The following CSRNP3 variants were observed in gnomAD, a reference collection of about 807,000 sequenced individuals.
CSRNP3 encodes the protein cysteine/serine-rich nuclear protein 3.
In CSRNP3, 12 loss-of-function variants were observed where a neutral mutation model predicts 48.0. The observed-to-expected ratio is 0.25, with a 90% CI of 0.16 to 0.41. The LOEUF is 0.41. Among genes scored for constraint, CSRNP3 ranks in the 10% least tolerant of loss-of-function variants. The probability of loss-of-function intolerance (pLI) is 1.00; values close to 1 mark genes in which losing one functional copy is unlikely to be tolerated. For missense variants in CSRNP3, 580 were observed against 724.4 expected, an observed-to-expected ratio of 0.80 and a Z score of 2.29; for synonymous variants, 263 against 269.7, an observed-to-expected ratio of 0.98 and a Z score of 0.24.
chr2:165,622,000 G>C (rs960386251), intron 4 of CSRNP3, among the ~76,000 whole-genome samples: 26 of 152,082 alleles, frequency 1.7e-4, no homozygotes, highest in African/African-American at 6.0e-4. Flanking sequence ...ATGGCAGGCA[G>C]AGCTTTCTTC....
intron 4 of CSRNP3, among the ~76,000 whole-genome samples, chr2:165,640,551 C>T (rs1275863888): frequency 6.6e-6 from 1 of 152,154 alleles, no homozygotes; most frequent in Admixed American, 6.6e-5. Flanking sequence ...ACTGCAGAGG[C>T]TTACAGGGGC....
At position 165,682,763 on chromosome 2, in the gene CSRNP3, G is replaced by T. The variant is rs754639724; in HGVS notation, c.*3010G>T. The T allele has an allele frequency of 1.3e-5, 2 of 152,032 alleles. No individual in the cohort carries two copies. Among genetic ancestry groups the T allele is most frequent in the Non-Finnish European group, 2.9e-5 (2 of 67,994 alleles). 9.4% of individuals were successfully genotyped at this position (152,032 alleles called of 1,614,324 possible). A position where few individuals can be genotyped will look rare whatever the true frequency, so the allele number is the denominator to read the frequency against. On this transcript the variant is annotated 3_prime_UTR_variant, in exon 7 of 7. Coordinates refer to ENST00000651982, the MANE Select transcript of CSRNP3 (RefSeq NM_001172173.2). ...CAACAAAGAGCTGCCCACATGCCAG[G>T]AAAGTGCTACAGTCCTTCTAAGCTT...
intron 5 of CSRNP3, among the ~76,000 whole-genome samples, chr2:165,669,346 T>G (rs1305523134): frequency 4.6e-5 from 7 of 152,240 alleles, no homozygotes. Context: ...TTAGTATTGT[T>G]TCTCTCTTCT....
At chr2:165,568,963 A>G (rs1685333866) in intron 3 of CSRNP3, among the ~76,000 whole-genome samples, 1 of 152,108 alleles carries the variant, frequency 6.6e-6, no homozygotes. Context: ...TATTCACACA[A>G]TAAAATATGC....
chr2:165,665,893 G>A lies in CSRNP3; in HGVS notation c.408+7873G>A, dbSNP rs113775137. On this transcript the variant is annotated intron_variant, in intron 5 of 6. Transcript: ENST00000651982. ...GAAAGAAAGAGAGAGAGGAAGGAAG[G>A]AGGGAGGGAAGGAAGCAAAGAGAGA... Among the ~76,000 whole-genome samples, 530 of 147,232 alleles carry A rather than the reference G, an allele frequency of 3.6e-3. 2 individuals are homozygous for A. Among genetic ancestry groups the A allele is most frequent in the African/African-American group, 0.012 (472 of 39,650 alleles).
chr2:165,657,720 G>A (rs756887499), intron 4 of CSRNP3, 41 bp from the exon 5 acceptor site: 6 of 1,600,660 alleles, frequency 3.7e-6, no homozygotes, highest in Non-Finnish European at 5.1e-6. Context: ...TCTGAAAACT[G>A]CTGCCCCAAG....
intron 3 of CSRNP3, among the ~76,000 whole-genome samples, chr2:165,574,833 A>G (rs1685423005): frequency 6.6e-6 from 1 of 152,164 alleles, no homozygotes; most frequent in African/African-American, 2.4e-5. Flanking sequence ...CTGGTATTAA[A>G]TAATGGAGTT....
At chr2:165,596,237 G>A (rs1029708425) in intron 4 of CSRNP3, among the ~76,000 whole-genome samples, 3 of 149,458 alleles carry the variant, frequency 2.0e-5, no homozygotes, top group African/African-American at 4.9e-5. Flanking sequence ...TTAAGGTAAT[G>A]TAATCTATAG....
intron 3 of CSRNP3, among the ~76,000 whole-genome samples, chr2:165,519,074 G>A (rs550291048): frequency 2.0e-5 from 3 of 152,160 alleles, no homozygotes; most frequent in Admixed American, 2.0e-4. Context: ...AATACTGGCA[G>A]CTTATACCAA....
At chr2:165,588,225 T>C (rs1174494396) in intron 3 of CSRNP3, among the ~76,000 whole-genome samples, 1 of 152,206 alleles carries the variant, frequency 6.6e-6, no homozygotes, top group Non-Finnish European at 1.5e-5. Flanking sequence ...TGCAAGATTA[T>C]TAGAGCTGAA....
At chr2:165,606,009 G>C (rs1686004731) in intron 4 of CSRNP3, among the ~76,000 whole-genome samples, 1 of 151,986 alleles carries the variant, frequency 6.6e-6, no homozygotes, top group African/African-American at 2.4e-5. Flanking sequence ...TGAGAAGTAA[G>C]AGTCTGTTCC....
intron 3 of CSRNP3, among the ~76,000 whole-genome samples, chr2:165,545,684 T>A (rs986151879): frequency 6.6e-6 from 1 of 152,128 alleles, no homozygotes; most frequent in African/African-American, 2.4e-5. Context: ...CTAGGATGAG[T>A]TCTGGCCCAT....
intron 2 of CSRNP3, among the ~76,000 whole-genome samples, chr2:165,495,431 C>T (rs1684272235): frequency 6.6e-6 from 1 of 152,054 alleles, no homozygotes; most frequent in Non-Finnish European, 1.5e-5. Flanking sequence ...AGGCCAAGTT[C>T]ATGCTCTTGA....
chr2:165,546,507 C>T (rs939801916), intron 3 of CSRNP3, among the ~76,000 whole-genome samples: 3 of 152,074 alleles, frequency 2.0e-5, no homozygotes, highest in Admixed American at 6.6e-5. Flanking sequence ...TCTTCTGTAA[C>T]GCTGGTACTC....
chr2:165,504,162 T>A (rs1265763951), intron 2 of CSRNP3, among the ~76,000 whole-genome samples: 2 of 152,050 alleles, frequency 1.3e-5, no homozygotes, highest in East Asian at 1.9e-4. Flanking sequence ...TTCAAGATTA[T>A]CTTAAAATAC....
rs1051856886 is a variant in CSRNP3 at position 165,506,049 on chromosome 2, C to G, written c.-113+11121C>G. Among the ~76,000 whole-genome samples the G allele has an allele frequency of 2.0e-5, 3 of 152,132 alleles. No individual in the cohort carries two copies. In the South Asian group the frequency reaches 6.2e-4, roughly 32 times the overall value. On this transcript the variant is annotated intron_variant, in intron 2 of 6. Coordinates refer to ENST00000651982, the MANE Select transcript of CSRNP3 (RefSeq NM_001172173.2). ...GGATTGGGGGTTCAAATGATACTCTCAATACCTACCCTGTCCATCATGACT... is the reference window on the plus strand; with the variant it reads ...GGATTGGGGGTTCAAATGATACTCTGAATACCTACCCTGTCCATCATGACT...
chr2:165,538,672 C>T (rs1684913858), intron 3 of CSRNP3, among the ~76,000 whole-genome samples: 3 of 151,990 alleles, frequency 2.0e-5, no homozygotes, highest in East Asian at 3.9e-4. Flanking sequence ...TCATAGTCAT[C>T]TCCAGTAATA....
At chr2:165,512,738 G>A (rs1684523773) in intron 2 of CSRNP3, among the ~76,000 whole-genome samples, 1 of 152,184 alleles carries the variant, frequency 6.6e-6, no homozygotes. Flanking sequence ...GCACAAAATT[G>A]GAGTGGTATT....
rs1242793607 is a variant in CSRNP3, at chr2:165,686,679, A to C, written c.*6926A>C. 3 of 151,938 alleles carry C rather than the reference A, an allele frequency of 2.0e-5. No homozygotes were observed. The highest frequency in any genetic ancestry group is 6.6e-5 in the Admixed American group (1 of 15,220). The allele number at this position is 151,938 out of a possible 1,614,324, so 9.4% of individuals were successfully genotyped here. A position where few individuals can be genotyped will look rare whatever the true frequency, so the allele number is the denominator to read the frequency against. On this transcript the variant is annotated 3_prime_UTR_variant, in exon 7 of 7. Coordinates refer to ENST00000651982, the MANE Select transcript of CSRNP3 (RefSeq NM_001172173.2). ...TCCAAATGATATCTGAAAGTGATTG[A>C]TTTTAAGATGTAATAGTTGGCAAAG...
Sources: allele counts gnomAD v4.1 joint callset (sites outside exome capture counted in the v4.1 genomes callset), GRCh38; gene constraint gnomAD v4.1.1; transcripts MANE v1.5; gene names NCBI Gene and HGNC (gene_info 2026-07-23, HGNC 2026-07-21).